MAP2K4: variants seen among roughly 807,000 people sequenced by gnomAD.
The protein encoded by MAP2K4 is dual specificity mitogen-activated protein kinase kinase 4.
Under a neutral mutation model 48.5 loss-of-function variants are expected in MAP2K4, and 4 were observed. The ratio of observed to expected loss-of-function variants is 0.08; its 90% CI spans 0.04 to 0.19. MAP2K4 has a LOEUF of 0.19. Ranked by LOEUF, MAP2K4 falls within the 10% of genes least tolerant of loss-of-function variation. The pLI is 1.00. For missense variants in MAP2K4, 258 were observed against 493.3 expected (o/e 0.52, Z 4.52); for synonymous variants, 166 against 173.1 (o/e 0.96, Z 0.32).
chr17:12,053,118 C>G (rs953924734), intron 1 of MAP2K4, among the ~76,000 whole-genome samples: 8 of 152,038 alleles, frequency 5.3e-5, no homozygotes, highest in Non-Finnish European at 7.4e-5. Context: ...GAGTAATCCT[C>G]TATCTTTAAA....
At chr17:12,087,616 TATTA>T (rs145264662) in intron 3 of MAP2K4, among the ~76,000 whole-genome samples, 24,847 of 151,734 alleles carry the variant, frequency 0.16, 2,618 homozygotes, top group Non-Finnish European at 0.23. Context: ...GGGGTATTAC[TATTA>T]ATTAATTAAT....
At chr17:12,063,730 T>C (rs1970523263) in intron 2 of MAP2K4, among the ~76,000 whole-genome samples, 1 of 151,990 alleles carries the variant, frequency 6.6e-6, no homozygotes, top group Non-Finnish European at 1.5e-5. Context: ...CCTAGCACTT[T>C]GGGAGGCCGA....
At chr17:12,068,809 T>G (rs1970698256) in intron 2 of MAP2K4, among the ~76,000 whole-genome samples, 1 of 152,090 alleles carries the variant, frequency 6.6e-6, no homozygotes, top group Admixed American at 6.6e-5. Context: ...GTTTCTGTGC[T>G]TATGTGCATG....
At chr17:12,068,785 T>TA (rs34710329) in intron 2 of MAP2K4, among the ~76,000 whole-genome samples, 25,444 of 151,696 alleles carry the variant, frequency 0.17, 2,490 homozygotes, top group South Asian at 0.3. Flanking sequence ...GTATATGTAT[T>TA]TATGTATACA....
chr17:12,047,414 T>A (rs1294784183), intron 1 of MAP2K4, among the ~76,000 whole-genome samples: 1 of 152,186 alleles, frequency 6.6e-6, no homozygotes, highest in African/African-American at 2.4e-5. Context: ...ATTAATCCCA[T>A]TTGGCAGGTA....
chr17:12,120,042 CTA>C (rs1483292791), intron 7 of MAP2K4, among the ~76,000 whole-genome samples: 2 of 152,182 alleles, frequency 1.3e-5, no homozygotes, highest in Admixed American at 1.3e-4. Context: ...GAAAAAATAA[CTA>C]TTGGGTACTA....
At chr17:12,062,337 A>G (rs907906566) in intron 2 of MAP2K4, among the ~76,000 whole-genome samples, 1 of 152,070 alleles carries the variant, frequency 6.6e-6, no homozygotes, top group East Asian at 1.9e-4. Context: ...ATGCCTGAAT[A>G]TGCCTTTGTC....
intron 6 of MAP2K4, among the ~76,000 whole-genome samples, chr17:12,111,453 C>T (rs1157904409): frequency 6.7e-6 from 1 of 149,842 alleles, no homozygotes; most frequent in Non-Finnish European, 1.5e-5. Flanking sequence ...CTTTGTTTCT[C>T]TTGTATTTCT....
Position 12,134,295 on chromosome 17 carries a change from C to CCTAT in MAP2K4, c.1040+5011_1040+5012insTCTA, listed in dbSNP as rs28921094. ...ACTTTCAGTGATTCGGAGAATTGTA[C>CCTAT]CTAAGAAATCTAAACAAATATTTCC... On this transcript the variant is annotated intron_variant, in intron 9 of 10. Transcript: ENST00000353533. Among the ~76,000 whole-genome samples, 942 of 152,130 alleles carry CCTAT rather than the reference C, an allele frequency of 6.2e-3. 2 individuals carry two copies. The highest frequency in any genetic ancestry group is 0.036 in the East Asian group (185 of 5,170).
chr17:12,054,387 A>T (rs1970228070), intron 1 of MAP2K4, among the ~76,000 whole-genome samples: 1 of 152,100 alleles, frequency 6.6e-6, no homozygotes, highest in African/African-American at 2.4e-5. Context: ...CATGGAAATA[A>T]TTATTTAGAA....
At chr17:12,095,889 GTGTGTT>G (rs956893800) in intron 4 of MAP2K4, among the ~76,000 whole-genome samples, 195 bp downstream of exon 4, 6 of 115,290 alleles carry the variant, frequency 5.2e-5, no homozygotes, top group African/African-American at 1.3e-4. Context: ...TGAATCACAC[GTGTGTT>G]TGTGTGTGTG....
intron 6 of MAP2K4, chr17:12,112,968 A>G (rs1489657666): frequency 1.7e-5 from 4 of 231,378 alleles, no homozygotes; most frequent in East Asian, 8.2e-5. Context: ...AGAAAAATCA[A>G]TCCCCATCTA....
intron 1 of MAP2K4, among the ~76,000 whole-genome samples, chr17:12,024,756 G>T (rs934636928): frequency 6.6e-6 from 1 of 152,146 alleles, no homozygotes; most frequent in East Asian, 1.9e-4. Context: ...CTGTGGAAAA[G>T]TATTATTCTT....
intron 2 of MAP2K4, among the ~76,000 whole-genome samples, chr17:12,076,706 A>G (rs1042784205): frequency 1.6e-5 from 2 of 124,006 alleles, no homozygotes; most frequent in Admixed American, 1.7e-4. Flanking sequence ...TGTCTGTAAC[A>G]CCTGTGGCAG....
At chr17:12,088,729 T>C (rs1470388719) in intron 3 of MAP2K4, among the ~76,000 whole-genome samples, 1 of 150,286 alleles carries the variant, frequency 6.7e-6, no homozygotes, top group East Asian at 1.9e-4. Context: ...TTTGCTCATG[T>C]ACTAGTTCTA....
intron 2 of MAP2K4, among the ~76,000 whole-genome samples, chr17:12,056,398 A>G (rs898205515): frequency 1.3e-5 from 2 of 152,086 alleles, no homozygotes; most frequent in Admixed American, 6.5e-5. Context: ...TAGTAAACAC[A>G]GGGTGGAAAA....
intron 4 of MAP2K4, among the ~76,000 whole-genome samples, chr17:12,098,110 A>G (rs977789928): frequency 2.0e-5 from 3 of 152,214 alleles, no homozygotes; most frequent in Non-Finnish European, 4.4e-5. Context: ...TAGTTTTACA[A>G]TAAAAGTGTT....
intron 9 of MAP2K4, among the ~76,000 whole-genome samples, chr17:12,131,331 C>T (rs1266355716): frequency 1.3e-5 from 2 of 151,468 alleles, no homozygotes; most frequent in Non-Finnish European, 2.9e-5. Flanking sequence ...CTGCAACCTC[C>T]ACCTCCCGGG....
intron 7 of MAP2K4, among the ~76,000 whole-genome samples, chr17:12,121,892 G>C (rs8080333): frequency 0.87 from 132,543 of 152,180 alleles, 59,447 homozygotes; most frequent in East Asian, 1. Context: ...AGAATAGAAA[G>C]TGGTATGTTT....
Sources: gnomAD v4.1 joint callset for allele counts (sites outside exome capture counted in the v4.1 genomes callset) on GRCh38, gnomAD v4.1.1 for gene constraint, MANE v1.5 for transcripts, NCBI Gene and HGNC (gene_info 2026-07-23, HGNC 2026-07-21) for gene names.